Variants in HSPA4 observed in about 807,000 individuals in gnomAD.
HSPA4 encodes the protein heat shock protein family A (Hsp70) member 4, also known as heat shock 70 kDa protein 4.
HSPA4 carries 25 observed loss-of-function variants against 106.2 expected under a neutral mutation model. The ratio of observed to expected loss-of-function variants is 0.24; its 90% CI spans 0.17 to 0.33. The LOEUF is 0.33. HSPA4 is among the 10% of genes least tolerant of loss of function. HSPA4 has a pLI of 1.00. For missense variants in HSPA4, 841 were observed against 996.0 expected, an observed-to-expected ratio of 0.84 and a Z score of 2.10; for synonymous variants, 332 against 333.6, an observed-to-expected ratio of 1.00 and a Z score of 0.05.
At chr5:133,069,256 T>C (rs546969075) in intron 3 of HSPA4, among the ~76,000 whole-genome samples, 2 of 148,090 alleles carry the variant, frequency 1.4e-5, no homozygotes, top group African/African-American at 5.0e-5. Context: ...TATTTAAAAT[T>C]TTTTTTTTTT....
intron 6 of HSPA4, among the ~76,000 whole-genome samples, chr5:133,074,983 C>A (rs1292633704): frequency 6.6e-6 from 1 of 152,108 alleles, no homozygotes; most frequent in Non-Finnish European, 1.5e-5. Flanking sequence ...GAATTGACTG[C>A]CTTGTACCCA....
At chr5:133,089,731 A>AG (rs1561584123) in intron 11 of HSPA4, 36 bp downstream of exon 11, 1 of 1,480,224 alleles carries the variant, frequency 6.8e-7, no homozygotes, top group East Asian at 2.5e-5. Flanking sequence ...AAGAAAAAAA[A>AG]AAAAAAGCAC....
rs1416728805 is a variant in HSPA4, at chr5:133,104,585, A to C, written c.*149A>C. ...GGGAGGGGAAATAGGTAATGTATGG[A>C]GCATTTTCACTTCTAAATAGTTAGA... On this transcript the variant is annotated 3_prime_UTR_variant, in exon 19 of 19. Coordinates refer to ENST00000304858, the MANE Select transcript of HSPA4 (RefSeq NM_002154.4). 3.1e-6 allele frequency: 2 copies of C among 652,238 alleles called. No individual in the cohort carries two copies. Among genetic ancestry groups the C allele is most frequent in the East Asian group, 5.5e-5 (2 of 36,432 alleles). 40.4% of individuals were successfully genotyped at this position (652,238 alleles called of 1,614,324 possible). A position where few individuals can be genotyped will look rare whatever the true frequency, so the allele number is the denominator to read the frequency against.
At chr5:133,073,911 A>G (rs952055439) in intron 5 of HSPA4, 82 bp from the exon 6 acceptor site, 2 of 926,870 alleles carry the variant, frequency 2.2e-6, no homozygotes, top group Non-Finnish European at 3.1e-6. Flanking sequence ...CATTCGTTAT[A>G]TATAAAACCT....
chr5:133,085,024 G>T (rs1765560398), intron 7 of HSPA4, among the ~76,000 whole-genome samples: 1 of 152,006 alleles, frequency 6.6e-6, no homozygotes, highest in East Asian at 1.9e-4. Context: ...GTCCAGGCTG[G>T]TCTTGAACTC....
At chr5:133,055,952 C>T (rs1455287534) in intron 1 of HSPA4, among the ~76,000 whole-genome samples, 1 of 152,080 alleles carries the variant, frequency 6.6e-6, no homozygotes. Flanking sequence ...GTGGCGGGCG[C>T]CTGTGGTCCC....
chr5:133,091,448 G>C, intron 12 of HSPA4, 74 bp downstream of exon 12: 1 of 1,173,302 alleles, frequency 8.5e-7, no homozygotes, highest in South Asian at 1.5e-5. Context: ...AGCAGACTTG[G>C]TGGCAAGGCC....
rs142317951 is a variant in HSPA4, at chr5:133,099,548, C to T, written c.1933C>T (p.Arg645Cys). 1.5e-5 allele frequency: 23 copies of T among 1,531,872 alleles called. No homozygotes were observed. Among genetic ancestry groups the T allele is most frequent in the Non-Finnish European group, 1.9e-5 (21 of 1,107,634 alleles). 94.9% of individuals were successfully genotyped at this position (1,531,872 alleles called of 1,614,324 possible). A position where few individuals can be genotyped will look rare whatever the true frequency, so the allele number is the denominator to read the frequency against. The change falls in exon 16 of 19, where the codon CGT becomes TGT. Residue 645 changes from arginine to cysteine, a missense_variant. Arg to Cys is a radical substitution (Grantham distance 180, BLOSUM62 -3). Transcript: ENST00000304858. ...ATAATATTTTCTTTATCATTAGGAT[C>T]GTAACAGTTTTACTTTGAAACTGGA... ...EYEKFVSEDD[R>C]NSFTLKLEDT...
In HSPA4 at chr5:133,073,389, A is replaced by G. The variant is rs7720224; in HGVS notation, c.529+60A>G. The G allele has an allele frequency of 1.5e-3, 1,684 of 1,149,358 alleles. 16 individuals are homozygous for G. The African/African-American group carries it at 0.024, about 16-fold the overall frequency. The allele number at this position is 1,149,358 out of a possible 1,614,324, so 71.2% of individuals were successfully genotyped here. ...TTAATCTTGAAGATTGTGAAATTTT[A>G]AAACCCTGGGGTTTCTTGCTCTTTA... On this transcript the variant is annotated intron_variant, in intron 5 of 18. Transcript: ENST00000304858.
intron 6 of HSPA4, 123 bp downstream of exon 6, chr5:133,074,249 A>C (rs1765420398): frequency 1.9e-6 from 1 of 522,448 alleles, no homozygotes; most frequent in African/African-American, 2.0e-5. Flanking sequence ...AGGGTTATTC[A>C]GAGGATTTTT....
intron 1 of HSPA4, among the ~76,000 whole-genome samples, chr5:133,058,183 G>A (rs1011636364): frequency 1.1e-4 from 16 of 152,164 alleles, no homozygotes; most frequent in African/African-American, 3.9e-4. Flanking sequence ...CTTGAAGTTA[G>A]GAGTGTGAGA....
At chr5:133,097,407 G>C in intron 15 of HSPA4, 121 bp downstream of exon 15, 3 of 769,432 alleles carry the variant, frequency 3.9e-6, no homozygotes, top group Non-Finnish European at 6.0e-6. Context: ...AGTTTTTCTG[G>C]GGGGGGCAAA....
At chr5:133,102,211 G>A (rs989956219) in intron 17 of HSPA4, among the ~76,000 whole-genome samples, 13 of 152,198 alleles carry the variant, frequency 8.5e-5, no homozygotes, top group Non-Finnish European at 1.6e-4. Context: ...TATTACAGGC[G>A]TGAGCCACTG....
chr5:133,076,766 A>G lies in HSPA4; in HGVS notation c.776A>G (p.Lys259Arg). 1.2e-6 allele frequency: 2 copies of G among 1,614,070 alleles called. No individual in the cohort carries two copies. The highest frequency in any genetic ancestry group is 1.7e-6 in the Non-Finnish European group (2 of 1,179,968). The change falls in exon 7 of 19, where the codon AAA (lysine) becomes AGA (arginine). Residue 259 changes from lysine (K) to arginine (R), a missense_variant. Physicochemically the swap from Lys to Arg is conservative, Grantham distance 26. Transcript: ENST00000304858. The stretch of plus-strand genomic sequence containing the variant: ...AAATACAAGCTAGACATTAAGTCCA[A>G]AATCCGTGCATTATTACGACTCTCT... ...GKKYKLDIKSKIRALLRLSQE... is the reference protein window; with the variant it reads ...GKKYKLDIKSRIRALLRLSQE...
intron 1 of HSPA4, among the ~76,000 whole-genome samples, chr5:133,064,687 CAGG>C (rs1166573322): frequency 6.6e-6 from 1 of 152,056 alleles, no homozygotes; most frequent in Non-Finnish European, 1.5e-5. Context: ...GGATTTTGAA[CAGG>C]AGACTTGAAA....
intron 1 of HSPA4, among the ~76,000 whole-genome samples, chr5:133,063,510 A>G (rs1233011000): frequency 5.9e-5 from 9 of 151,756 alleles, no homozygotes; most frequent in Admixed American, 5.9e-4. Flanking sequence ...GGCTCACTGC[A>G]ACCTCCGTCT....
chr5:133,086,548 G>T (rs946308530), intron 7 of HSPA4, among the ~76,000 whole-genome samples: 7 of 152,182 alleles, frequency 4.6e-5, no homozygotes, highest in Admixed American at 2.0e-4. Flanking sequence ...TACCTAGAAT[G>T]GAATTGCTGA....
intron 1 of HSPA4, among the ~76,000 whole-genome samples, chr5:133,057,032 C>T (rs1269445702): frequency 2.6e-5 from 4 of 151,844 alleles, no homozygotes; most frequent in Non-Finnish European, 5.9e-5. Context: ...TGGAAGTTTA[C>T]CTTTTGGGTT....
At chr5:133,060,401 C>T (rs191217678) in intron 1 of HSPA4, among the ~76,000 whole-genome samples, 35 of 151,566 alleles carry the variant, frequency 2.3e-4, no homozygotes, top group Non-Finnish European at 4.9e-4. Context: ...TTCGCTCTGT[C>T]GCCCAGGCCG....
Sources: allele counts gnomAD v4.1 joint callset (sites outside exome capture counted in the v4.1 genomes callset), GRCh38; gene constraint gnomAD v4.1.1; transcripts MANE v1.5; gene names NCBI Gene and HGNC (gene_info 2026-07-23, HGNC 2026-07-21).